TJP1: variants seen among roughly 807,000 people sequenced by gnomAD.
TJP1 encodes tight junction protein ZO-1.
A neutral mutation model predicts 194.2 loss-of-function variants in TJP1; 43 were observed. That is an observed-to-expected ratio of 0.22 (90% CI 0.17 to 0.29). The LOEUF is 0.29. Ranked by LOEUF, TJP1 falls within the 10% of genes least tolerant of loss-of-function variation. TJP1 has a pLI of 1.00. For missense variants in TJP1, 1,971 were observed against 2,185.7 expected (o/e 0.90, Z 1.96); for synonymous variants, 801 against 779.0 (o/e 1.03, Z -0.47).
At chr15:29,853,938 C>A (rs1301553500) in intron 2 of TJP1, among the ~76,000 whole-genome samples, 1 of 152,070 alleles carries the variant, frequency 6.6e-6, no homozygotes, top group Non-Finnish European at 1.5e-5. Context: ...GACGCACCTG[C>A]AGTTGGAGCA....
chr15:29,837,253 C>A (rs2051066467), intron 2 of TJP1, among the ~76,000 whole-genome samples: 2 of 152,136 alleles, frequency 1.3e-5, no homozygotes, highest in Non-Finnish European at 1.5e-5. Flanking sequence ...TTAAATGTTT[C>A]TTTCTGTTCT....
intron 2 of TJP1, among the ~76,000 whole-genome samples, chr15:29,918,810 A>G (rs2054267278): frequency 6.6e-6 from 1 of 152,212 alleles, no homozygotes; most frequent in African/African-American, 2.4e-5. Context: ...CCCAGCAAAT[A>G]GCGTAAAAAG....
At chr15:29,878,302 G>A (rs1226791768) in intron 2 of TJP1, among the ~76,000 whole-genome samples, 3 of 152,120 alleles carry the variant, frequency 2.0e-5, no homozygotes, top group Non-Finnish European at 2.9e-5. Flanking sequence ...CGCCCGCCTC[G>A]GCCTCCCAAA....
intron 2 of TJP1, among the ~76,000 whole-genome samples, chr15:29,773,982 A>G (rs537564686): frequency 6.6e-6 from 1 of 152,330 alleles, no homozygotes; most frequent in Admixed American, 6.5e-5. Context: ...CTTTACCACA[A>G]TGACTCAGGA....
At chr15:29,914,745 C>T (rs1328942075) in intron 2 of TJP1, among the ~76,000 whole-genome samples, 1 of 152,118 alleles carries the variant, frequency 6.6e-6, no homozygotes, top group Admixed American at 6.5e-5. Context: ...AGTGCTGTCA[C>T]CTGAATTCCA....
chr15:29,819,115 G>A (rs1405293189), intron 1 of TJP1, among the ~76,000 whole-genome samples: 1 of 152,042 alleles, frequency 6.6e-6, no homozygotes, highest in African/African-American at 2.4e-5. Flanking sequence ...TTCAATCTAG[G>A]TACATACATA....
At chr15:29,794,400 T>A (rs1398286293) in intron 2 of TJP1, among the ~76,000 whole-genome samples, 1 of 152,058 alleles carries the variant, frequency 6.6e-6, no homozygotes, top group Non-Finnish European at 1.5e-5. Flanking sequence ...GGCAAAAAAA[T>A]AACTGAGGCA....
chr15:29,786,181 C>T (rs1402723985), intron 2 of TJP1, among the ~76,000 whole-genome samples: 1 of 152,150 alleles, frequency 6.6e-6, no homozygotes, highest in African/African-American at 2.4e-5. Flanking sequence ...TGTCCCTTGG[C>T]TAGTCAAATT....
intron 2 of TJP1, among the ~76,000 whole-genome samples, chr15:29,930,086 C>G (rs918012533): frequency 6.6e-6 from 1 of 152,010 alleles, no homozygotes; most frequent in Non-Finnish European, 1.5e-5. Flanking sequence ...AGTTAAAAAC[C>G]TATTCCCTCA....
chr15:29,709,150 C>CA, intron 24 of TJP1, 114 bp from the exon 25 acceptor site: 1 of 956,900 alleles, frequency 1.0e-6, no homozygotes, highest in Non-Finnish European at 1.6e-6. Context: ...GTCGCACAGC[C>CA]AGAGCCTGAC....
intron 2 of TJP1, among the ~76,000 whole-genome samples, chr15:29,943,588 C>T (rs547230070): frequency 1.1e-3 from 144 of 128,852 alleles, no homozygotes; most frequent in Non-Finnish European, 2.0e-3. Context: ...GATTGTGCCA[C>T]TGCATTCCAG....
chr15:29,845,501 C>T (rs966366740), intron 2 of TJP1, among the ~76,000 whole-genome samples: 2 of 152,112 alleles, frequency 1.3e-5, no homozygotes, highest in African/African-American at 4.8e-5. Flanking sequence ...AGACAAATGT[C>T]AATTTACAAA....
chr15:29,956,392 A>G (rs954276653), intron 1 of TJP1: 2 of 1,283,286 alleles, frequency 1.6e-6, no homozygotes, highest in African/African-American at 3.1e-5. Flanking sequence ...ATTCTTAAAA[A>G]GGCAGGTTTA....
chr15:29,751,538 G>A (rs1335012052), intron 8 of TJP1, among the ~76,000 whole-genome samples: 7 of 152,162 alleles, frequency 4.6e-5, no homozygotes, highest in African/African-American at 1.7e-4. Flanking sequence ...TCATGGATAT[G>A]GACAACTTTT....
chr15:29,933,087 C>T (rs761451053), intron 2 of TJP1, among the ~76,000 whole-genome samples: 1 of 152,042 alleles, frequency 6.6e-6, no homozygotes, highest in Non-Finnish European at 1.5e-5. Flanking sequence ...TCATGCATCA[C>T]ACACACACAT....
rs746314650 is a variant in TJP1 at position 29,766,358 on chromosome 15, C to T, written c.497G>A (p.Ser166Asn). ...PRDRSASRERSLSPRSDRRSV... is the reference protein window; with the variant it reads ...PRDRSASRERNLSPRSDRRSV... The stretch of plus-strand genomic sequence containing the variant: ...CCGCCTGTCTGACCGCGGGGACAAG[C>T]TCCTCTCTCTACTTGCACTTCTATC... Residue 166 changes from serine (S) to asparagine (N), a missense_variant, in exon 5 of 28, where the codon AGC (serine) becomes AAC (asparagine). By Grantham distance (46) the Ser-to-Asn change is conservative. Around this residue, in one of 5 missense-constraint regions of TJP1, gnomAD observed 245 missense variants for 336.6 expected, o/e 0.73. Transcript: ENST00000614355. 1.9e-6 allele frequency: 3 copies of T among 1,614,102 alleles called. No individual in the cohort carries two copies. The highest frequency in any genetic ancestry group is 2.5e-6 in the Non-Finnish European group (3 of 1,180,044).
intron 11 of TJP1, among the ~76,000 whole-genome samples, chr15:29,735,054 T>G (rs1478978499): frequency 6.6e-6 from 1 of 152,052 alleles, no homozygotes; most frequent in East Asian, 1.9e-4. Flanking sequence ...TGTAAGAGCA[T>G]CTGTGTAATG....
At position 29,716,633 on chromosome 15, in the gene TJP1, T is replaced by C. The variant is rs1460530928; in HGVS notation, c.4180A>G (p.Asn1394Asp). Residue 1394 changes from asparagine to aspartate, a missense_variant, in exon 23 of 28, where the codon AAT becomes GAT. This residue lies in a region of TJP1 where 1,108 missense variants were observed against 1,128.5 expected (regional missense o/e 0.98). Transcript: ENST00000614355. ...AKPAHSQNQS[N>D]FSSYSSKGKP... ...TACTTTGAAGAATAACTAGAAAAAT[T>C]TGATTGATTCTGAGAATGCGCTGGC... 7 of 1,612,338 alleles carry C rather than the reference T, an allele frequency of 4.3e-6. No homozygotes were observed. The highest frequency in any genetic ancestry group is 1.7e-6 in the Non-Finnish European group (2 of 1,178,708).
intron 8 of TJP1, among the ~76,000 whole-genome samples, chr15:29,760,578 T>C (rs1310488548): frequency 6.6e-6 from 1 of 152,158 alleles, no homozygotes; most frequent in African/African-American, 2.4e-5. Flanking sequence ...AGTTTCACCA[T>C]GTCGGCCAGG....
Sources: gnomAD v4.1 joint callset for allele counts (sites outside exome capture counted in the v4.1 genomes callset) on GRCh38, gnomAD v4.1.1 for gene constraint, gnomAD v4.1.1 regional missense constraint, MANE v1.5 for transcripts, NCBI Gene and HGNC (gene_info 2026-07-23, HGNC 2026-07-21) for gene names.